PMFBP1: variants seen among roughly 807,000 people sequenced by gnomAD.
PMFBP1 encodes the protein polyamine modulated factor 1 binding protein 1.
Under a neutral mutation model 137.8 loss-of-function variants are expected in PMFBP1, and 131 were observed. That is an observed-to-expected ratio of 0.95 (90% CI 0.82 to 1.10). The LOEUF (loss-of-function observed/expected upper bound fraction) is 1.10. Ranked by LOEUF, PMFBP1 falls within the 50% of genes least tolerant of loss-of-function variation. The pLI is 0.00. For synonymous variants in PMFBP1, 490 were observed against 450.4 expected (o/e 1.09, Z -1.11); for missense variants, 1,199 against 1,175.4 (o/e 1.02, Z -0.29).
chr16:72,146,364 G>A (rs1236066732), intron 5 of PMFBP1, among the ~76,000 whole-genome samples: 1 of 152,148 alleles, frequency 6.6e-6, no homozygotes, highest in Non-Finnish European at 1.5e-5. Context: ...AGGTATTGAT[G>A]GGATGTATCT....
At chr16:72,225,033 G>A in the PMFBP1 span, 1 of 152,174 alleles carries the variant, frequency 6.6e-6, no homozygotes, top group Non-Finnish European at 1.5e-5. Context: ...CTTTAATAAT[G>A]AAGAATTAAT....
At chr16:72,146,603 A>G (rs1157920469) in intron 5 of PMFBP1, among the ~76,000 whole-genome samples, 2 of 152,238 alleles carry the variant, frequency 1.3e-5, no homozygotes, top group African/African-American at 4.8e-5. Context: ...TGCAGATGAC[A>G]TGATGGTATA....
At chr16:72,138,117 T>C (rs1004557068) in intron 7 of PMFBP1, among the ~76,000 whole-genome samples, 1 of 152,146 alleles carries the variant, frequency 6.6e-6, no homozygotes. Context: ...TGGAGTCTTA[T>C]GAGATTTTTG....
the PMFBP1 span, among the ~76,000 whole-genome samples, chr16:72,227,612 G>A: frequency 0.016 from 2,469 of 152,176 alleles, 29 homozygotes; most frequent in Non-Finnish European, 0.024. Flanking sequence ...TCAAAGGGCC[G>A]TATAACATTC....
intron 1 of PMFBP1, 124 bp from the exon 2 acceptor site, chr16:72,171,392 T>G: frequency 1.7e-6 from 1 of 577,506 alleles, no homozygotes; most frequent in Non-Finnish European, 3.1e-6. Flanking sequence ...CTGTTAGCAA[T>G]ACCCACTTGC....
At chr16:72,225,992 C>A in the PMFBP1 span, among the ~76,000 whole-genome samples, 19,382 of 151,004 alleles carry the variant, frequency 0.13, 2,020 homozygotes, top group African/African-American at 0.29. Context: ...CTTCAGAAGC[C>A]AAAGCATCTC....
the PMFBP1 span, among the ~76,000 whole-genome samples, chr16:72,185,308 G>A: frequency 1.3e-5 from 2 of 152,078 alleles, no homozygotes; most frequent in African/African-American, 2.4e-5. Context: ...ACAGGCATGA[G>A]CCACCGTGCA....
In PMFBP1 at chr16:72,125,303, T is replaced by G. The variant is rs1281437283; in HGVS notation, c.2356A>C (p.Arg786=). ...LEEEIIAYEE[R]MKKLNTELRK... ...AATTCCGTATTGAGCTTTTTCATCCTTTCCTCATAAGCAATGATTTCCTCT... is the reference window on the plus strand; with the variant it reads ...AATTCCGTATTGAGCTTTTTCATCCGTTCCTCATAAGCAATGATTTCCTCT... Residue 786 remains arginine, a synonymous_variant, in exon 16 of 21, where the codon AGG becomes CGG. Coordinates refer to ENST00000237353, the MANE Select transcript of PMFBP1 (RefSeq NM_031293.3). 1.2e-6 allele frequency: 2 copies of G among 1,614,206 alleles called. No homozygotes were observed. Among genetic ancestry groups the G allele is most frequent in the Non-Finnish European group, 1.7e-6 (2 of 1,180,028 alleles).
chr16:72,133,088 T>A, intron 9 of PMFBP1, 97 bp from the exon 10 acceptor site: 1 of 1,473,498 alleles, frequency 6.8e-7, no homozygotes, highest in East Asian at 2.3e-5. Context: ...GCCACTGGCA[T>A]CCCCTGCCTG....
the PMFBP1 span, among the ~76,000 whole-genome samples, chr16:72,193,361 G>T: frequency 6.6e-6 from 1 of 152,084 alleles, no homozygotes; most frequent in Non-Finnish European, 1.5e-5. Flanking sequence ...CTGCACTCCA[G>T]CCTGAGTGAC....
At chr16:72,116,785 C>T (rs1597453770), downstream of PMFBP1, among the ~76,000 whole-genome samples, 1 of 152,122 alleles carries the variant, frequency 6.6e-6, no homozygotes, top group Non-Finnish European at 1.5e-5. Context: ...GTCTTGGCAT[C>T]GTTGTCAAAA....
At chr16:72,195,321 C>T in the PMFBP1 span, among the ~76,000 whole-genome samples, 1 of 151,884 alleles carries the variant, frequency 6.6e-6, no homozygotes, top group Non-Finnish European at 1.5e-5. Context: ...CCTTCCTTCC[C>T]CCTCTCCTTT....
rs1567627315 is a variant in PMFBP1 at position 72,136,825 on chromosome 16, A to G, written c.919-6T>C. 6.2e-7 allele frequency: 1 copy of G among 1,614,118 alleles called. No individual in the cohort carries two copies. Among genetic ancestry groups the G allele is most frequent in the East Asian group, 2.2e-5 (1 of 44,884 alleles). On this transcript the variant is annotated splice_region_variant and splice_polypyrimidine_tract_variant and intron_variant, in intron 7 of 20. Coordinates refer to ENST00000237353, the MANE Select transcript of PMFBP1 (RefSeq NM_031293.3). ...TCCTGCAAGTGCTTCAGTATCTGGCAGATGGAAGAACAGGGCAGGATGAGG... is the reference window on the plus strand; with the variant it reads ...TCCTGCAAGTGCTTCAGTATCTGGCGGATGGAAGAACAGGGCAGGATGAGG...
At chr16:72,138,973 CT>C (rs2042674475) in intron 7 of PMFBP1, among the ~76,000 whole-genome samples, 1 of 149,238 alleles carries the variant, frequency 6.7e-6, no homozygotes, top group Non-Finnish European at 1.5e-5. Context: ...TAAATTAGTA[CT>C]TTTCAACTCC....
At chr16:72,186,122 C>G in the PMFBP1 span, among the ~76,000 whole-genome samples, 10 of 152,154 alleles carry the variant, frequency 6.6e-5, no homozygotes, top group African/African-American at 2.4e-4. Flanking sequence ...GATTGATAAG[C>G]TCTTTCTTAC....
At chr16:72,128,432 G>C in intron 14 of PMFBP1, 1 of 1,493,978 alleles carries the variant, frequency 6.7e-7, no homozygotes, top group South Asian at 1.3e-5. Flanking sequence ...ATAGCTTGGG[G>C]CTCCACCAGA....
the PMFBP1 span, among the ~76,000 whole-genome samples, chr16:72,203,698 T>C: frequency 6.6e-6 from 1 of 152,180 alleles, no homozygotes; most frequent in South Asian, 2.1e-4. Flanking sequence ...GCAGTTTCCT[T>C]GGTGCCCTGG....
intron 5 of PMFBP1, among the ~76,000 whole-genome samples, chr16:72,142,542 G>C (rs1425029877): frequency 6.6e-6 from 1 of 152,214 alleles, no homozygotes; most frequent in Non-Finnish European, 1.5e-5. Flanking sequence ...CAGTATCTTT[G>C]AAGACTTAAG....
chr16:72,132,150 A>G (rs1053175847), intron 10 of PMFBP1, among the ~76,000 whole-genome samples: 1 of 152,136 alleles, frequency 6.6e-6, no homozygotes, highest in African/African-American at 2.4e-5. Flanking sequence ...TGGGAAATTC[A>G]CCCTTTAAAA....
Sources: allele counts gnomAD v4.1 joint callset (sites outside exome capture counted in the v4.1 genomes callset), GRCh38; gene constraint gnomAD v4.1.1; transcripts MANE v1.5; gene names NCBI Gene and HGNC (gene_info 2026-07-23, HGNC 2026-07-21).